Variants in CUX2 observed in about 807,000 individuals in gnomAD.
The protein encoded by CUX2 is homeobox protein cut-like 2.
CUX2 carries 40 observed loss-of-function variants against 144.8 expected under a neutral mutation model. The observed-to-expected ratio is 0.28, with a 90% CI of 0.21 to 0.36. The LOEUF (loss-of-function observed/expected upper bound fraction) is 0.36, where lower values mean the gene tolerates loss of function less well. CUX2 is among the 10% of genes least tolerant of loss of function. The pLI, the probability that CUX2 is intolerant of heterozygous loss-of-function variation, is 1.00. For synonymous variants in CUX2, 827 were observed against 875.6 expected, an observed-to-expected ratio of 0.94 and a Z score of 0.98; for missense variants, 1,615 against 1,994.0, an observed-to-expected ratio of 0.81 and a Z score of 3.62.
intron 10 of CUX2, among the ~76,000 whole-genome samples, chr12:111,305,994 G>A (rs1382089533): frequency 2.0e-5 from 3 of 152,168 alleles, no homozygotes; most frequent in Non-Finnish European, 2.9e-5. Context: ...GATTCTGTGT[G>A]TGTCCATGTT....
chr12:111,120,070 T>A (rs1190194936), intron 1 of CUX2, among the ~76,000 whole-genome samples: 1 of 152,048 alleles, frequency 6.6e-6, no homozygotes, highest in Admixed American at 6.6e-5. Context: ...AAAAAAAAAT[T>A]TTTTTTAAAC....
intron 16 of CUX2, among the ~76,000 whole-genome samples, chr12:111,316,826 G>A (rs1887220216): frequency 6.6e-6 from 1 of 152,016 alleles, no homozygotes; most frequent in African/African-American, 2.4e-5. Context: ...TCTCTCTCCA[G>A]TTCACACATG....
intron 1 of CUX2, among the ~76,000 whole-genome samples, chr12:111,213,940 C>T (rs1372789792): frequency 6.6e-6 from 1 of 151,750 alleles, no homozygotes; most frequent in African/African-American, 2.4e-5. Flanking sequence ...CAACCAACTC[C>T]ACCCAACTTT....
At chr12:111,133,000 G>T (rs1352569767) in intron 1 of CUX2, among the ~76,000 whole-genome samples, 4 of 152,116 alleles carry the variant, frequency 2.6e-5, no homozygotes, top group Admixed American at 6.5e-5. Flanking sequence ...AATCTCTAGG[G>T]CAGGGGCAAA....
chr12:111,260,887 A>C (rs937465000), intron 3 of CUX2, among the ~76,000 whole-genome samples: 1 of 152,196 alleles, frequency 6.6e-6, no homozygotes. Context: ...GCAACCGTAA[A>C]ATGGAACATT....
At chr12:111,325,673 G>T (rs867060855) in intron 18 of CUX2, among the ~76,000 whole-genome samples, 1 of 95,612 alleles carries the variant, frequency 1.0e-5, no homozygotes, top group African/African-American at 4.6e-5. Context: ...GGGGAGGGGT[G>T]GGTTTTGTTT....
intron 1 of CUX2, among the ~76,000 whole-genome samples, chr12:111,154,027 C>T (rs1877225658): frequency 6.6e-6 from 1 of 152,304 alleles, no homozygotes; most frequent in African/African-American, 2.4e-5. Flanking sequence ...TTGAGGACCA[C>T]ACTAATGAGC....
At chr12:111,098,399 CAA>C (rs537665407) in intron 1 of CUX2, among the ~76,000 whole-genome samples, 26 of 85,090 alleles carry the variant, frequency 3.1e-4, no homozygotes, top group Admixed American at 2.8e-4. Flanking sequence ...GACTTCGTCT[CAA>C]AAAAAAAAAA....
intron 1 of CUX2, among the ~76,000 whole-genome samples, chr12:111,076,963 C>T (rs1277651803): frequency 6.6e-6 from 1 of 152,204 alleles, no homozygotes; most frequent in Non-Finnish European, 1.5e-5. Context: ...CCCGTCGCCC[C>T]TCGGGGCCCT....
At chr12:111,120,015 G>A (rs142416542) in intron 1 of CUX2, among the ~76,000 whole-genome samples, 14 of 152,278 alleles carry the variant, frequency 9.2e-5, no homozygotes, top group East Asian at 1.9e-4. Context: ...TCAAGATCGC[G>A]GCACTGCACT....
rs771478256 is a variant in CUX2 at position 111,334,602 on chromosome 12, G to A, written c.3088G>A (p.Gly1030Ser). 4.3e-6 allele frequency: 7 copies of A among 1,614,078 alleles called. No homozygotes were observed. The highest frequency in any genetic ancestry group is 5.9e-6 in the Non-Finnish European group (7 of 1,180,044). ...CTCGTTGAGCGGGAAGATGTACTCA[G>A]GCAGCCAGGCCCCAGGGGGCATCCA... is the stretch of plus-strand genomic sequence containing the variant. ...SSSLSGKMYS[G>S]SQAPGGIQEI... Residue 1030 changes from glycine to serine, a missense_variant, in exon 19 of 22, where the codon GGC becomes AGC. Gly to Ser is a moderately conservative substitution (Grantham distance 56). Around this residue, in one of 12 missense-constraint regions of CUX2, gnomAD observed 128 missense variants for 124.4 expected, o/e 1.03. Transcript: ENST00000261726.
At chr12:111,041,104 T>G (rs1311943860) in intron 1 of CUX2, among the ~76,000 whole-genome samples, 1 of 152,246 alleles carries the variant, frequency 6.6e-6, no homozygotes, top group African/African-American at 2.4e-5. Flanking sequence ...CTTCAAATCC[T>G]GGCTCCATCA....
intron 4 of CUX2, among the ~76,000 whole-genome samples, chr12:111,269,613 CAA>C (rs1884543957): frequency 6.6e-6 from 1 of 152,104 alleles, no homozygotes; most frequent in Admixed American, 6.6e-5. Flanking sequence ...GGCAGGAAGA[CAA>C]AGGGAAACAG....
At chr12:111,107,993 C>G (rs1245299383) in intron 1 of CUX2, among the ~76,000 whole-genome samples, 2 of 152,194 alleles carry the variant, frequency 1.3e-5, no homozygotes, top group Non-Finnish European at 2.9e-5. Flanking sequence ...TGTCGTTTTT[C>G]TGGTCCAGAG....
At position 111,266,909 on chromosome 12, in the gene CUX2, G is replaced by C. The variant is rs572648855; in HGVS notation, c.301+3070G>C. ...CCTGCAAGCTGGTTAGAAATGCAGA[G>C]GCTCAGCCGCAGGTGGCGGCTCATG... On this transcript the variant is annotated intron_variant, in intron 4 of 21. Coordinates refer to ENST00000261726, the MANE Select transcript of CUX2 (RefSeq NM_015267.4). 1.2e-3 allele frequency among the ~76,000 whole-genome samples: 176 copies of C among 152,304 alleles called. 2 individuals carry two copies. Among genetic ancestry groups the C allele is most frequent in the African/African-American group, 4.0e-3 (165 of 41,568 alleles).
intron 1 of CUX2, among the ~76,000 whole-genome samples, chr12:111,105,077 G>A (rs1412952142): frequency 6.6e-6 from 1 of 152,142 alleles, no homozygotes; most frequent in Admixed American, 6.5e-5. Context: ...TCTGTCCAGG[G>A]ACCTGGGCTC....
intron 1 of CUX2, among the ~76,000 whole-genome samples, chr12:111,181,028 C>G (rs575797946): frequency 6.6e-6 from 1 of 152,196 alleles, no homozygotes; most frequent in African/African-American, 2.4e-5. Flanking sequence ...TCGACTGCGC[C>G]GGAATAGTCT....
At chr12:111,090,127 G>A (rs73413544) in intron 1 of CUX2, among the ~76,000 whole-genome samples, 3,902 of 152,272 alleles carry the variant, frequency 0.026, 153 homozygotes, top group African/African-American at 0.089. Context: ...GCAGAGTTGT[G>A]GGAATGGGCT....
rs3061123 is a variant in CUX2, at chr12:111,282,625, TA to T, written c.302-8769del. On this transcript the variant is annotated intron_variant, in intron 4 of 21. Coordinates refer to ENST00000261726, the MANE Select transcript of CUX2 (RefSeq NM_015267.4). ...TGGGCAACAAGCGTGAAACTCCATC[TA>T]AAAAAAAAAAAAAAAAAAAAAAATC... Among the ~76,000 whole-genome samples the T allele has an allele frequency of 5.1e-3, 531 of 105,016 alleles. 3 individuals are homozygous for T. The highest frequency in any genetic ancestry group is 0.027 in the Middle Eastern group (5 of 186). The allele number at this position is 105,016 out of a possible 152,430, so 68.9% of individuals were successfully genotyped here. A position where few individuals can be genotyped will look rare whatever the true frequency, so the allele number is the denominator to read the frequency against.
Sources: allele counts gnomAD v4.1 joint callset (sites outside exome capture counted in the v4.1 genomes callset), GRCh38; gene constraint gnomAD v4.1.1; regional missense constraint gnomAD v4.1.1; transcripts MANE v1.5; gene names NCBI Gene and HGNC (gene_info 2026-07-23, HGNC 2026-07-21).